HELQ: variants seen among roughly 807,000 people sequenced by gnomAD.
The protein encoded by HELQ is helicase, POLQ like.
A neutral mutation model predicts 111.6 loss-of-function variants in HELQ; 77 were observed. That is an observed-to-expected ratio of 0.69 (90% CI 0.57 to 0.83). HELQ has a LOEUF of 0.83. Ranked by LOEUF, HELQ falls within the 40% of genes least tolerant of loss-of-function variation. The pLI, the probability that HELQ is intolerant of heterozygous loss-of-function variation, is 0.00. For missense variants in HELQ, 1,200 were observed against 1,288.5 expected (o/e 0.93, Z 1.05); for synonymous variants, 438 against 454.7 (o/e 0.96, Z 0.47).
At chr4:83,452,951 ACTTATTATCCCTTT>A (rs1355741849) in intron 2 of HELQ, among the ~76,000 whole-genome samples, 1 of 151,156 alleles carries the variant, frequency 6.6e-6, no homozygotes, top group African/African-American at 2.5e-5. Context: ...CTTGCTAACA[ACTTATTATCCCTTT>A]CTTATAGATG....
intron 17 of HELQ, among the ~76,000 whole-genome samples, chr4:83,408,325 C>A (rs1738900542): frequency 6.6e-6 from 1 of 152,066 alleles, no homozygotes; most frequent in South Asian, 2.1e-4. Flanking sequence ...GATCTCAGCT[C>A]ACTGCAACCT....
In HELQ at chr4:83,453,249, C is replaced by G; in HGVS notation, c.994G>C (p.Gly332Arg). Reference protein sequence around the residue: ...KVRDLYAQFKGIEKLYEWQHT... With the variant: ...KVRDLYAQFKRIEKLYEWQHT... ...GCATTACCATATAATTTTTCAATTC[C>G]CTTGAATTGGGCATAAAGGTCTCTC... The change falls in exon 2 of 18, where the codon GGA becomes CGA. Residue 332 changes from glycine (G) to arginine (R), a missense_variant. By Grantham distance (125) the Gly-to-Arg change is moderately radical. Around this residue, in one of 3 missense-constraint regions of HELQ, gnomAD observed 610 missense variants for 607.1 expected, o/e 1.00. Transcript: ENST00000295488. 1.2e-6 allele frequency: 2 copies of G among 1,603,728 alleles called. No individual in the cohort carries two copies. The highest frequency in any genetic ancestry group is 2.2e-5 in the East Asian group (1 of 44,816).
At chr4:83,410,076 C>T (rs1038379960) in intron 17 of HELQ, among the ~76,000 whole-genome samples, 8 of 151,998 alleles carry the variant, frequency 5.3e-5, no homozygotes, top group Non-Finnish European at 1.0e-4. Context: ...TGCAGTGAGA[C>T]CAAGCCTCTA....
intron 2 of HELQ, among the ~76,000 whole-genome samples, chr4:83,451,868 C>A (rs1193524322): frequency 2.0e-5 from 3 of 152,204 alleles, no homozygotes; most frequent in African/African-American, 7.2e-5. Flanking sequence ...AATTTGGATT[C>A]TTGTAGAGTC....
At chr4:83,419,869 A>G (rs1739575072) in intron 15 of HELQ, among the ~76,000 whole-genome samples, 1 of 152,166 alleles carries the variant, frequency 6.6e-6, no homozygotes, top group African/African-American at 2.4e-5. Flanking sequence ...AATAATTATC[A>G]TTCAATTGAA....
intron 1 of HELQ, among the ~76,000 whole-genome samples, chr4:83,454,219 A>G (rs1250564359): frequency 6.6e-6 from 1 of 152,086 alleles, no homozygotes; most frequent in Non-Finnish European, 1.5e-5. Flanking sequence ...ACCAAAACAA[A>G]CAAACAAACA....
At chr4:83,448,684 A>T in intron 3 of HELQ, 99 bp downstream of exon 3, 1 of 1,024,120 alleles carries the variant, frequency 9.8e-7, no homozygotes, top group Non-Finnish European at 1.4e-6. Flanking sequence ...AAAAAAAAAA[A>T]GAGGTACTTC....
Position 83,455,449 on chromosome 4 carries a change from G to C in HELQ, c.245C>G (p.Thr82Arg). 1.2e-6 allele frequency: 2 copies of C among 1,614,118 alleles called. No homozygotes were observed. Among genetic ancestry groups the C allele is most frequent in the Non-Finnish European group, 8.5e-7 (1 of 1,180,016 alleles). Reference sequence around the variant, plus strand: ...CATGTGACGTAGGAGGTCCGGGTTTGTATCACCACCTCCAAGGACGAGACA... The same window carrying C: ...CATGTGACGTAGGAGGTCCGGGTTTCTATCACCACCTCCAAGGACGAGACA... ...PECLVLGGGD[T>R]NPDLLRHMPT... Residue 82 changes from threonine to arginine, a missense_variant, in exon 1 of 18, where the codon ACA becomes AGA. Around this residue, in one of 3 missense-constraint regions of HELQ, gnomAD observed 610 missense variants for 607.1 expected, o/e 1.00. Transcript: ENST00000295488.
At chr4:83,423,837 G>T (rs1719681876) in intron 14 of HELQ, among the ~76,000 whole-genome samples, 1 of 152,038 alleles carries the variant, frequency 6.6e-6, no homozygotes. Context: ...CTTGAACTTG[G>T]GAGGCGGAGG....
intron 2 of HELQ, 172 bp downstream of exon 2, chr4:83,453,059 A>G (rs553495017): frequency 1.8e-6 from 1 of 542,978 alleles, no homozygotes; most frequent in East Asian, 3.1e-5. Context: ...GGAAGGAAAG[A>G]GGTTCAGTGG....
At chr4:83,409,925 A>T (rs137941370) in intron 17 of HELQ, among the ~76,000 whole-genome samples, 1 of 152,140 alleles carries the variant, frequency 6.6e-6, no homozygotes, top group East Asian at 1.9e-4. Flanking sequence ...CCACTGAAAA[A>T]ATTTAAAAAG....
chr4:83,426,081 G>A lies in HELQ; in HGVS notation c.2688C>T (p.Leu896=). Residue 896 remains leucine, a synonymous_variant, in exon 14 of 18, where the codon CTC becomes CTT. Transcript: ENST00000295488. ...WMIYFRQFSQ[L]SPAEQNVAAI... ...CAGCTACATTTTGTTCTGCTGGACT[G>A]AGTTGGCTAAACTACATGGAAAAAG... 1 of 1,595,532 alleles carries A rather than the reference G, an allele frequency of 6.3e-7. No individual in the cohort carries two copies. Among genetic ancestry groups the A allele is most frequent in the South Asian group, 1.1e-5 (1 of 89,666 alleles).
intron 15 of HELQ, among the ~76,000 whole-genome samples, chr4:83,421,038 T>C (rs1186705000): frequency 6.6e-6 from 1 of 152,192 alleles, no homozygotes; most frequent in Admixed American, 6.5e-5. Context: ...CTCGAACTCC[T>C]GGGCTCAAGT....
At chr4:83,421,055 C>A (rs1739655056) in intron 15 of HELQ, among the ~76,000 whole-genome samples, 1 of 152,198 alleles carries the variant, frequency 6.6e-6, no homozygotes, top group South Asian at 2.1e-4. Context: ...AAGTGATCCA[C>A]CTGCCTCAGC....
intron 16 of HELQ, among the ~76,000 whole-genome samples, chr4:83,417,513 C>G (rs1739428378): frequency 6.6e-6 from 1 of 152,120 alleles, no homozygotes; most frequent in African/African-American, 2.4e-5. Flanking sequence ...AGTCCAATAT[C>G]TTTCAGTGTT....
rs545953599 is a variant in HELQ, at chr4:83,416,578, G to A, written c.3198+153C>T. On this transcript the variant is annotated intron_variant, in intron 17 of 17. Coordinates refer to ENST00000295488, the MANE Select transcript of HELQ (RefSeq NM_133636.5). The stretch of plus-strand genomic sequence containing the variant: ...TTGCAAGGCTTGTGTCACAACAGAT[G>A]CATTATTTTTACTCACAAATAAGAG... 8.5e-5 allele frequency among the ~76,000 whole-genome samples: 13 copies of A among 152,154 alleles called. No individual in the cohort carries two copies. In the South Asian group the frequency reaches 2.7e-3, roughly 32 times the overall value.
intron 16 of HELQ, among the ~76,000 whole-genome samples, chr4:83,417,206 C>CTTTTT (rs1176553232): frequency 4.3e-5 from 6 of 139,862 alleles, no homozygotes; most frequent in Non-Finnish European, 6.3e-5. Context: ...CTTTTCTTTT[C>CTTTTT]TTTTTTTTTT....
At chr4:83,435,803 C>G (rs1052461807) in intron 9 of HELQ, among the ~76,000 whole-genome samples, 1 of 151,864 alleles carries the variant, frequency 6.6e-6, no homozygotes, top group African/African-American at 2.4e-5. Context: ...TTGATTAATT[C>G]TAAAGTAATA....
Position 83,436,874 on chromosome 4 carries a change from T to C in HELQ, c.2032A>G (p.Asn678Asp). The C allele has an allele frequency of 6.2e-7, 1 of 1,613,996 alleles. No homozygotes were observed. Among genetic ancestry groups the C allele is most frequent in the Non-Finnish European group, 8.5e-7 (1 of 1,179,950 alleles). ...ATCTCTTACCTTCGAGCTGGTAGGTTGACACCTGCCGCTAGGGTAGATGTG... is the reference window on the plus strand; with the variant it reads ...ATCTCTTACCTTCGAGCTGGTAGGTCGACACCTGCCGCTAGGGTAGATGTG... Reference protein sequence around the residue: ...TCTSTLAAGVNLPARRVILRA... With the variant: ...TCTSTLAAGVDLPARRVILRA... Residue 678 changes from asparagine to aspartate, a missense_variant, in exon 9 of 18, where the codon AAC becomes GAC. Asn to Asp is a conservative substitution (Grantham distance 23). This residue lies in a region of HELQ where 585 missense variants were observed against 665.3 expected (regional missense o/e 0.88). Transcript: ENST00000295488.
Sources: gnomAD v4.1 joint callset for allele counts (sites outside exome capture counted in the v4.1 genomes callset) on GRCh38, gnomAD v4.1.1 for gene constraint, gnomAD v4.1.1 regional missense constraint, MANE v1.5 for transcripts, NCBI Gene and HGNC (gene_info 2026-07-23, HGNC 2026-07-21) for gene names.